STPG2: variants seen among roughly 807,000 people sequenced by gnomAD.
STPG2 encodes the protein sperm tail PG-rich repeat containing 2.
A neutral mutation model predicts 54.2 loss-of-function variants in STPG2; 56 were observed. The ratio of observed to expected loss-of-function variants is 1.03; its 90% CI spans 0.83 to 1.29. The LOEUF (loss-of-function observed/expected upper bound fraction) is 1.29, where lower values mean the gene tolerates loss of function less well. Ranked by LOEUF, STPG2 falls within the 50% of genes most tolerant of loss-of-function variation. The pLI, the probability that STPG2 is intolerant of heterozygous loss-of-function variation, is 0.00. For synonymous variants in STPG2, 200 were observed against 181.8 expected, an observed-to-expected ratio of 1.10 and a Z score of -0.81; for missense variants, 596 against 544.9, an observed-to-expected ratio of 1.09 and a Z score of -0.93.
chr4:98,027,133 A>T (rs1405833618), intron 5 of STPG2, among the ~76,000 whole-genome samples: 1 of 152,182 alleles, frequency 6.6e-6, no homozygotes, highest in Non-Finnish European at 1.5e-5. Flanking sequence ...AATTCCAAAG[A>T]CAAGAGGTAT....
At chr4:97,865,369 A>G (rs1030166191) in intron 8 of STPG2, among the ~76,000 whole-genome samples, 3 of 152,246 alleles carry the variant, frequency 2.0e-5, no homozygotes, top group Non-Finnish European at 1.5e-5. Context: ...CCATCAGAGA[A>G]ATGCAAATCA....
intron 10 of STPG2, among the ~76,000 whole-genome samples, chr4:97,692,847 T>C (rs1030702423): frequency 6.6e-6 from 1 of 152,200 alleles, no homozygotes; most frequent in African/African-American, 2.4e-5. Flanking sequence ...ACAGGAGATT[T>C]CTAAGCAGAA....
chr4:97,939,300 G>T lies in STPG2; in HGVS notation c.1044+4597C>A, dbSNP rs186671655. ...GTATATATTCTCTTGTTTGGGGGTG[G>T]AGAGTTCTGAAAAGGTCTATCAGAT... On this transcript the variant is annotated intron_variant, in intron 8 of 10. Transcript: ENST00000295268. Among the ~76,000 whole-genome samples the T allele has an allele frequency of 4.9e-3, 642 of 130,156 alleles. 3 individuals carry two copies. The highest frequency in any genetic ancestry group is 0.033 in the South Asian group (116 of 3,524). The allele number at this position is 130,156 out of a possible 152,430, so 85.4% of individuals were successfully genotyped here.
chr4:97,857,621 T>A (rs1385515976), intron 8 of STPG2, among the ~76,000 whole-genome samples: 2 of 152,124 alleles, frequency 1.3e-5, no homozygotes, highest in East Asian at 1.9e-4. Flanking sequence ...TCATTCATTT[T>A]TTTCAAGAGT....
intron 10 of STPG2, among the ~76,000 whole-genome samples, chr4:97,560,110 T>G (rs1732186457): frequency 6.6e-6 from 1 of 152,158 alleles, no homozygotes; most frequent in African/African-American, 2.4e-5. Context: ...ATGATGACCC[T>G]TAGGATAATT....
At chr4:97,877,323 C>T (rs1730213273) in intron 8 of STPG2, among the ~76,000 whole-genome samples, 2 of 152,044 alleles carry the variant, frequency 1.3e-5, no homozygotes, top group Admixed American at 1.3e-4. Flanking sequence ...AAACAAATCA[C>T]CTGGTAAAAT....
intron 10 of STPG2, among the ~76,000 whole-genome samples, chr4:97,641,012 T>C (rs1721750981): frequency 1.3e-5 from 2 of 151,626 alleles, no homozygotes; most frequent in South Asian, 2.1e-4. Flanking sequence ...ATAATGTCTA[T>C]GTGAAACCTA....
At chr4:97,741,108 AG>A (rs1444606674) in intron 9 of STPG2, among the ~76,000 whole-genome samples, 1 of 152,086 alleles carries the variant, frequency 6.6e-6, no homozygotes, top group African/African-American at 2.4e-5. Context: ...AATATGCAAT[AG>A]GGAAAGGATT....
chr4:97,947,014 C>A (rs1313672811), intron 7 of STPG2, among the ~76,000 whole-genome samples: 1 of 152,142 alleles, frequency 6.6e-6, no homozygotes, highest in East Asian at 1.9e-4. Context: ...TTGATTCTTG[C>A]AATCCGTGAG....
At chr4:97,690,625 C>T (rs941199519) in intron 10 of STPG2, among the ~76,000 whole-genome samples, 11 of 152,090 alleles carry the variant, frequency 7.2e-5, no homozygotes, top group East Asian at 1.9e-4. Context: ...ACAACTCACT[C>T]GGGAGAAAGA....
chr4:98,031,492 C>T (rs1029480703), intron 5 of STPG2, among the ~76,000 whole-genome samples: 1 of 152,024 alleles, frequency 6.6e-6, no homozygotes, highest in African/African-American at 2.4e-5. Context: ...TCCTGGCCAA[C>T]ATGGTGAAAC....
chr4:97,739,902 C>G (rs1040526726), intron 9 of STPG2, among the ~76,000 whole-genome samples: 5 of 151,784 alleles, frequency 3.3e-5, no homozygotes, highest in Non-Finnish European at 4.4e-5. Flanking sequence ...CGGGCAGAGA[C>G]ACAACAAAAA....
At chr4:97,630,186 A>T (rs1721223716) in intron 10 of STPG2, among the ~76,000 whole-genome samples, 1 of 151,924 alleles carries the variant, frequency 6.6e-6, no homozygotes. Context: ...TTGCTGTGGA[A>T]CTACAAAATA....
chr4:97,547,798 T>C (rs1051654031), intron 4 of STPG2, among the ~76,000 whole-genome samples: 1 of 152,086 alleles, frequency 6.6e-6, no homozygotes, highest in African/African-American at 2.4e-5. Flanking sequence ...GGCAGTTAAA[T>C]TTGTCATACT....
chr4:97,472,332 T>A (rs1187927673), intron 4 of STPG2, among the ~76,000 whole-genome samples: 1 of 152,202 alleles, frequency 6.6e-6, no homozygotes, highest in African/African-American at 2.4e-5. Context: ...ACGCAGTCAG[T>A]GGGCATCCCC....
chr4:97,710,021 C>T (rs1008280027), intron 10 of STPG2, among the ~76,000 whole-genome samples: 2 of 151,866 alleles, frequency 1.3e-5, no homozygotes, highest in Non-Finnish European at 2.9e-5. Flanking sequence ...TTAAATAAAT[C>T]ATTGCCTTCA....
chr4:98,029,675 G>A (rs371753823), intron 5 of STPG2, among the ~76,000 whole-genome samples: 4 of 152,066 alleles, frequency 2.6e-5, no homozygotes, highest in East Asian at 3.8e-4. Flanking sequence ...CTAGGGTTGC[G>A]TGCTCTTATT....
chr4:98,133,727 G>A (rs925246779), intron 2 of STPG2, among the ~76,000 whole-genome samples: 7 of 151,848 alleles, frequency 4.6e-5, no homozygotes, highest in African/African-American at 4.8e-5. Flanking sequence ...CATCTATATC[G>A]ATCACTTCAA....
chr4:98,004,425 T>C (rs1250067651), intron 5 of STPG2, among the ~76,000 whole-genome samples: 2 of 152,220 alleles, frequency 1.3e-5, no homozygotes, highest in South Asian at 2.1e-4. Flanking sequence ...ATCTTGACTA[T>C]TGTGAATCAT....
Sources: allele counts gnomAD v4.1 joint callset (sites outside exome capture counted in the v4.1 genomes callset), GRCh38; gene constraint gnomAD v4.1.1; transcripts MANE v1.5; gene names NCBI Gene and HGNC (gene_info 2026-07-23, HGNC 2026-07-21).